Variants in PCDHA7 observed in about 807,000 individuals in gnomAD.
The protein encoded by PCDHA7 is protocadherin alpha-7.
A neutral mutation model predicts 57.2 loss-of-function variants in PCDHA7; 37 were observed. The ratio of observed to expected loss-of-function variants is 0.65; its 90% CI spans 0.50 to 0.85. PCDHA7 has a LOEUF of 0.85. Among genes scored for constraint, PCDHA7 ranks in the 40% least tolerant of loss-of-function variants. The pLI, the probability that PCDHA7 is intolerant of heterozygous loss-of-function variation, is 0.00. For synonymous variants in PCDHA7, 553 were observed against 558.8 expected, an observed-to-expected ratio of 0.99 and a Z score of 0.15; for missense variants, 1,188 against 1,241.8, an observed-to-expected ratio of 0.96 and a Z score of 0.65.
At chr5:140,982,608 T>G (rs782789536) in intron 3 of PCDHA7, 45 bp downstream of exon 3, 2 of 1,601,306 alleles carry the variant, frequency 1.2e-6, no homozygotes, top group South Asian at 2.2e-5. Flanking sequence ...TTCTGGAAAG[T>G]GATCAGATGA....
intron 1 of PCDHA7, among the ~76,000 whole-genome samples, chr5:140,844,789 C>A (rs2150373812): frequency 6.7e-6 from 1 of 149,202 alleles, no homozygotes; most frequent in African/African-American, 2.4e-5. Flanking sequence ...TGGTATCTTT[C>A]AACATTTTCT....
chr5:140,884,692 G>A, intron 1 of PCDHA7: 7 of 1,528,834 alleles, frequency 4.6e-6, no homozygotes, highest in Non-Finnish European at 6.1e-6. Context: ...AATTGTCTTA[G>A]TAAACACTTT....
intron 1 of PCDHA7, chr5:140,842,821 C>A (rs782174276): frequency 1.9e-6 from 3 of 1,593,534 alleles, no homozygotes; most frequent in East Asian, 2.2e-5. Context: ...GGCGGGTGGG[C>A]GAGCGCTCGC....
intron 1 of PCDHA7, among the ~76,000 whole-genome samples, chr5:140,838,927 A>G (rs2150156100): frequency 6.6e-6 from 1 of 152,088 alleles, no homozygotes; most frequent in African/African-American, 2.4e-5. Context: ...AAATAAAATA[A>G]AATGAAATAA....
At chr5:140,856,629 T>C (rs782588371) in intron 1 of PCDHA7, 2 of 1,598,078 alleles carry the variant, frequency 1.3e-6, no homozygotes, top group African/African-American at 2.7e-5. Flanking sequence ...CCAGTGCTTG[T>C]TCTGCGGAAG....
intron 1 of PCDHA7, chr5:140,864,797 G>C (rs868909450): frequency 1.3e-5 from 2 of 152,026 alleles, no homozygotes; most frequent in Non-Finnish European, 2.9e-5. Flanking sequence ...AATATTTTAG[G>C]GTAGGAAAAT....
chr5:140,836,570 G>C lies in PCDHA7; in HGVS notation c.2187G>C (p.Glu729Asp). The C allele has an allele frequency of 1.2e-6, 2 of 1,613,682 alleles. No individual in the cohort carries two copies. The highest frequency in any genetic ancestry group is 2.2e-5 in the East Asian group (1 of 44,838). ...TALRCSAPSS[E>D]GACSLVKPTL... Reference sequence around the variant, plus strand: ...TGCGGTGCTCAGCGCCGTCCTCTGAGGGCGCATGTAGTTTGGTAAAGCCCA... The same window carrying C: ...TGCGGTGCTCAGCGCCGTCCTCTGACGGCGCATGTAGTTTGGTAAAGCCCA... Residue 729 changes from glutamate (E) to aspartate (D), a missense_variant, in exon 1 of 4, where the codon GAG becomes GAC. Transcript: ENST00000525929.
chr5:140,935,435 A>G (rs1268078110), intron 1 of PCDHA7, among the ~76,000 whole-genome samples: 1 of 152,256 alleles, frequency 6.6e-6, no homozygotes, highest in Non-Finnish European at 1.5e-5. Context: ...TCAGCACTAC[A>G]GAAATAATAT....
At chr5:141,008,382 A>G (rs1458485740) in intron 3 of PCDHA7, among the ~76,000 whole-genome samples, 1 of 152,166 alleles carries the variant, frequency 6.6e-6, no homozygotes, top group African/African-American at 2.4e-5. Flanking sequence ...ATACATAAAC[A>G]TTGCTATGAT....
rs2150255716 is a variant in PCDHA7 at position 140,836,221 on chromosome 5, C to A, written c.1838C>A (p.Pro613Gln). The A allele has an allele frequency of 1.2e-6, 2 of 1,613,684 alleles. No individual in the cohort carries two copies. The highest frequency in any genetic ancestry group is 1.7e-6 in the Non-Finnish European group (2 of 1,179,820). ...GCGTGGCTTTCGTATGAGTTGCAACCGGTGGCGGCCGGTGCGAGCATCCCG... is the reference window on the plus strand; with the variant it reads ...GCGTGGCTTTCGTATGAGTTGCAACAGGTGGCGGCCGGTGCGAGCATCCCG... ...YNAWLSYELQ[P>Q]VAAGASIPFR... Residue 613 changes from proline (P) to glutamine (Q), a missense_variant, in exon 1 of 4, where the codon CCG becomes CAG. This residue lies in a region of PCDHA7 where 892 missense variants were observed against 788.5 expected (regional missense o/e 1.13). Transcript: ENST00000525929.
chr5:140,946,611 A>AATATATATAT (rs1554217734), intron 1 of PCDHA7, among the ~76,000 whole-genome samples: 3,697 of 86,664 alleles, frequency 0.043, 168 homozygotes, highest in Non-Finnish European at 0.054. Flanking sequence ...GAAAATGTGA[A>AATATATATAT]ATATATATAT....
chr5:140,841,126 C>T, intron 1 of PCDHA7: 1 of 659,096 alleles, frequency 1.5e-6, no homozygotes, highest in South Asian at 2.2e-5. Flanking sequence ...TAATCATTAC[C>T]TTTTGAAGCC....
chr5:140,882,347 G>A (rs1554173687), intron 1 of PCDHA7: 3 of 1,614,198 alleles, frequency 1.9e-6, no homozygotes, highest in South Asian at 2.2e-5. Context: ...CTGGGAGACG[G>A]GTAGTGGCCA....
intron 1 of PCDHA7, among the ~76,000 whole-genome samples, chr5:140,889,253 G>A (rs1272394693): frequency 6.6e-6 from 1 of 151,724 alleles, no homozygotes; most frequent in Non-Finnish European, 1.5e-5. Flanking sequence ...TCTGTTTCCT[G>A]TAAAAGTTTG....
intron 1 of PCDHA7, among the ~76,000 whole-genome samples, chr5:140,909,407 T>C (rs1004172644): frequency 3.3e-5 from 5 of 152,172 alleles, no homozygotes; most frequent in Non-Finnish European, 7.3e-5. Context: ...GCAATTGCAG[T>C]TACCATTTGG....
intron 1 of PCDHA7, chr5:140,867,342 T>C (rs1397691528): frequency 6.6e-6 from 1 of 152,154 alleles, no homozygotes; most frequent in Non-Finnish European, 1.5e-5. Flanking sequence ...GATTAGAGGC[T>C]ACTATGATTG....
chr5:140,983,900 G>T (rs1345141422), intron 3 of PCDHA7, among the ~76,000 whole-genome samples: 1 of 152,198 alleles, frequency 6.6e-6, no homozygotes, highest in Admixed American at 6.5e-5. Context: ...GGCATTCGTT[G>T]ATTCTAATCA....
At chr5:140,865,089 T>C (rs1462427966) in intron 1 of PCDHA7, 2 of 152,250 alleles carry the variant, frequency 1.3e-5, no homozygotes, top group Admixed American at 1.3e-4. Context: ...GGGATATTAA[T>C]AAAGGCACTT....
At chr5:140,927,639 G>T in intron 1 of PCDHA7, 11 of 1,614,194 alleles carry the variant, frequency 6.8e-6, no homozygotes, top group Non-Finnish European at 9.3e-6. Flanking sequence ...CACCCAATGG[G>T]ACTGTGTTAT....
Sources: gnomAD v4.1 joint callset for allele counts (sites outside exome capture counted in the v4.1 genomes callset) on GRCh38, gnomAD v4.1.1 for gene constraint, gnomAD v4.1.1 regional missense constraint, MANE v1.5 for transcripts, NCBI Gene and HGNC (gene_info 2026-07-23, HGNC 2026-07-21) for gene names.